The following LZTS1 variants were observed in gnomAD, a reference collection of about 807,000 sequenced individuals.
LZTS1 encodes the protein leucine zipper putative tumor suppressor 1.
In LZTS1, 31 loss-of-function variants were observed where a neutral mutation model predicts 45.8. The observed-to-expected ratio is 0.68, with a 90% CI of 0.51 to 0.91. LZTS1 has a LOEUF of 0.91. LZTS1 is among the 40% of genes least tolerant of loss of function. LZTS1 has a pLI of 0.00. For synonymous variants in LZTS1, 359 were observed against 357.3 expected (o/e 1.00, Z -0.05); for missense variants, 821 against 788.9 (o/e 1.04, Z -0.49).
In LZTS1 at chr8:20,303,805, C is replaced by T. The variant is rs969939831; in HGVS notation, c.-200G>A. 11 of 984,420 alleles carry T rather than the reference C, an allele frequency of 1.1e-5. No individual in the cohort carries two copies. Among genetic ancestry groups the T allele is most frequent in the African/African-American group, 3.5e-5 (2 of 56,992 alleles). The allele number at this position is 984,420 out of a possible 1,614,324, so 61.0% of individuals were successfully genotyped here. ...TTCCCAGTGTTTCCCGGTGTGTTCC[C>T]GTCTCTCTTTTTCCAGAGCTGCTGA... On this transcript the variant is annotated 5_prime_UTR_variant, in exon 1 of 4. Transcript: ENST00000381569.
At chr8:20,267,884 G>A (rs756997704) in intron 1 of LZTS1, among the ~76,000 whole-genome samples, 3 of 152,136 alleles carry the variant, frequency 2.0e-5, no homozygotes, top group Admixed American at 6.5e-5. Context: ...ATCCCAGACC[G>A]ACGGATCTGC....
intron 1 of LZTS1, among the ~76,000 whole-genome samples, chr8:20,259,561 T>C (rs970994174): frequency 6.6e-6 from 1 of 152,312 alleles, no homozygotes; most frequent in South Asian, 2.1e-4. Context: ...GTCTTCCCAC[T>C]GTGTTAGAGT....
chr8:20,286,799 G>A lies in LZTS1; in HGVS notation c.-135+16941C>T, dbSNP rs140802413. ...TGTAGAGGGGATCCCAGGGAGCAAC[G>A]GGCACGAATGACAGCACTGCTGCTA... On this transcript the variant is annotated intron_variant, in intron 1 of 3. Transcript: ENST00000381569. 2.3e-3 allele frequency among the ~76,000 whole-genome samples: 355 copies of A among 152,236 alleles called. 1 individual carries two copies. Among genetic ancestry groups the A allele is most frequent in the African/African-American group, 8.0e-3 (333 of 41,520 alleles).
At chr8:20,252,712 C>T (rs1799961027) in intron 3 of LZTS1, 70 bp downstream of exon 3, 1 of 1,403,118 alleles carries the variant, frequency 7.1e-7, no homozygotes, top group African/African-American at 1.4e-5. Context: ...TTGGCCGGCA[C>T]CAGAAGGAGA....
rs202043036 is a variant in LZTS1 at position 20,266,817 on chromosome 8, T to TA, written c.-134-11503dup. 9.8e-3 allele frequency among the ~76,000 whole-genome samples: 1,498 copies of TA among 152,296 alleles called. 23 individuals are homozygous for TA. The highest frequency in any genetic ancestry group is 0.034 in the African/African-American group (1,428 of 41,554). On this transcript the variant is annotated intron_variant, in intron 1 of 3. Transcript: ENST00000381569. ...CTTTTGTAGGAAAGGAGGTGAAAGT[T>TA]ACTCTCTTGGCCAGGCATGGTGGCT...
intron 1 of LZTS1, among the ~76,000 whole-genome samples, chr8:20,280,739 G>A (rs28378430): frequency 0.13 from 19,470 of 152,052 alleles, 1,995 homozygotes; most frequent in African/African-American, 0.29. Context: ...CACTGTCAGC[G>A]ACATCACTCC....
intron 1 of LZTS1, among the ~76,000 whole-genome samples, chr8:20,267,234 G>A (rs2128895384): frequency 7.1e-6 from 1 of 141,238 alleles, no homozygotes; most frequent in South Asian, 2.4e-4. Flanking sequence ...CATCGTCCTT[G>A]TGTTCTTTTC....
At chr8:20,279,222 T>C (rs182187983) in intron 1 of LZTS1, among the ~76,000 whole-genome samples, 1 of 152,228 alleles carries the variant, frequency 6.6e-6, no homozygotes, top group African/African-American at 2.4e-5. Flanking sequence ...AGAATTGATT[T>C]CATTCTGTTT....
At chr8:20,270,610 G>A (rs2128895879) in intron 1 of LZTS1, among the ~76,000 whole-genome samples, 2 of 152,250 alleles carry the variant, frequency 1.3e-5, no homozygotes, top group South Asian at 4.2e-4. Context: ...GAGGGCTTTG[G>A]TTTGGACAGG....
At chr8:20,284,575 G>A (rs754863356) in intron 1 of LZTS1, among the ~76,000 whole-genome samples, 1 of 152,086 alleles carries the variant, frequency 6.6e-6, no homozygotes, top group East Asian at 1.9e-4. Flanking sequence ...AAGCCCAAGA[G>A]AGTGTTCTTC....
rs376448671 is a variant in LZTS1, at chr8:20,253,282, T to C, written c.649A>G (p.Ile217Val). ...GGSAHNITQGIVLQDSNMMSL... is the reference protein window; with the variant it reads ...GGSAHNITQGVVLQDSNMMSL... ...ATCATGTTGCTGTCCTGGAGGACGA[T>C]GCCCTGGGTGATGTTGTGGGCGGAG... The change falls in exon 3 of 4, where the codon ATC (isoleucine) becomes GTC (valine). Residue 217 changes from isoleucine (I) to valine (V), a missense_variant. Coordinates refer to ENST00000381569, the MANE Select transcript of LZTS1 (RefSeq NM_021020.5). The C allele has an allele frequency of 1.2e-6, 2 of 1,613,974 alleles. No homozygotes were observed. The highest frequency in any genetic ancestry group is 2.7e-5 in the African/African-American group (2 of 74,944).
intron 1 of LZTS1, among the ~76,000 whole-genome samples, chr8:20,265,621 A>G (rs566466346): frequency 2.3e-5 from 3 of 133,258 alleles, no homozygotes; most frequent in South Asian, 2.6e-4. Context: ...GGAGGTTGCA[A>G]TGAGCTATGA....
intron 1 of LZTS1, among the ~76,000 whole-genome samples, chr8:20,263,047 A>C (rs370732614): frequency 5.9e-5 from 9 of 152,336 alleles, no homozygotes; most frequent in African/African-American, 2.2e-4. Context: ...TATTTTGAAA[A>C]GTCCCCATTG....
chr8:20,277,985 C>T (rs1033042256), intron 1 of LZTS1, among the ~76,000 whole-genome samples: 25 of 152,130 alleles, frequency 1.6e-4, no homozygotes, highest in African/African-American at 5.8e-4. Flanking sequence ...CTTAGCACAG[C>T]GCCTGGCACA....
At chr8:20,287,413 G>A (rs778745413) in intron 1 of LZTS1, among the ~76,000 whole-genome samples, 6 of 152,238 alleles carry the variant, frequency 3.9e-5, no homozygotes, top group Admixed American at 3.9e-4. Context: ...GAAGTAAAAG[G>A]TGAAAGTAAA....
chr8:20,250,136 GTTC>G lies in LZTS1; in HGVS notation c.1374_1376del (p.Lys458del). 6.2e-7 allele frequency: 1 copy of G among 1,608,194 alleles called. No individual in the cohort carries two copies. The highest frequency in any genetic ancestry group is 8.5e-7 in the Non-Finnish European group (1 of 1,179,166). ...CCTTCTCCCGCAGCAGCTCCGCCTC[GTTC>G]TTCTTGCGCTGCAGCTCATTCTCAC... is the stretch of plus-strand genomic sequence containing the variant. On this transcript the variant is annotated inframe_deletion, in exon 4 of 4. Transcript: ENST00000381569.
intron 1 of LZTS1, among the ~76,000 whole-genome samples, chr8:20,291,708 T>C (rs150411847): frequency 6.6e-6 from 1 of 151,324 alleles, no homozygotes; most frequent in Non-Finnish European, 1.5e-5. Context: ...ACGGCACCAA[T>C]TACCTATTTG....
intron 1 of LZTS1, among the ~76,000 whole-genome samples, chr8:20,258,289 G>C (rs1429087948): frequency 6.6e-6 from 1 of 152,142 alleles, no homozygotes; most frequent in Non-Finnish European, 1.5e-5. Flanking sequence ...ATCCTAAAGG[G>C]GCTAAAGAAA....
Position 20,249,619 on chromosome 8 carries a change from G to T in LZTS1, c.*103C>A. 7.1e-7 allele frequency: 1 copy of T among 1,404,388 alleles called. No homozygotes were observed. The highest frequency in any genetic ancestry group is 2.3e-5 in the East Asian group (1 of 42,770). 87.0% of individuals were successfully genotyped at this position (1,404,388 alleles called of 1,614,324 possible). A position where few individuals can be genotyped will look rare whatever the true frequency, so the allele number is the denominator to read the frequency against. ...GGGTCCTGGGTCTGTGTCCCAGGGA[G>T]TGGCGTCTCTCAGAGGGGTCTGAAT... On this transcript the variant is annotated 3_prime_UTR_variant, in exon 4 of 4. Transcript: ENST00000381569.
Sources: gnomAD v4.1 joint callset for allele counts (sites outside exome capture counted in the v4.1 genomes callset) on GRCh38, gnomAD v4.1.1 for gene constraint, MANE v1.5 for transcripts, NCBI Gene and HGNC (gene_info 2026-07-23, HGNC 2026-07-21) for gene names.